VPS53: variants seen among roughly 807,000 people sequenced by gnomAD.
VPS53 encodes the protein VPS53 subunit of GARP complex.
A neutral mutation model predicts 107.0 loss-of-function variants in VPS53; 70 were observed. That is an observed-to-expected ratio of 0.65 (90% CI 0.54 to 0.80). The LOEUF (loss-of-function observed/expected upper bound fraction) is 0.80, where lower values mean the gene tolerates loss of function less well. Among genes scored for constraint, VPS53 ranks in the 30% least tolerant of loss-of-function variants. VPS53 has a pLI of 0.00. For missense variants in VPS53, 917 were observed against 1,049.4 expected (o/e 0.87, Z 1.74); for synonymous variants, 409 against 393.3 (o/e 1.04, Z -0.47).
intron 15 of VPS53, among the ~76,000 whole-genome samples, chr17:559,289 T>A (rs1214314902): frequency 6.6e-6 from 1 of 152,276 alleles, no homozygotes; most frequent in African/African-American, 2.4e-5. Context: ...TTTATTTTTT[T>A]AAATACTACG....
intron 11 of VPS53, among the ~76,000 whole-genome samples, chr17:621,830 C>T (rs971270070): frequency 6.6e-5 from 10 of 152,104 alleles, no homozygotes; most frequent in East Asian, 3.8e-4. Flanking sequence ...TCCAAAAGAA[C>T]GTTGTTCTCT....
At chr17:640,905 A>G (rs2143312838) in intron 7 of VPS53, among the ~76,000 whole-genome samples, 1 of 151,638 alleles carries the variant, frequency 6.6e-6, no homozygotes, top group East Asian at 1.9e-4. Context: ...CCCAGGCTGG[A>G]GTGCAATGGG....
intron 11 of VPS53, among the ~76,000 whole-genome samples, chr17:603,879 T>TA (rs954770960): frequency 6.6e-5 from 10 of 152,174 alleles, no homozygotes; most frequent in Middle Eastern, 3.2e-3. Context: ...TCAACAACCA[T>TA]AAAAAAATTA....
chr17:604,587 G>A (rs944764655), intron 11 of VPS53, among the ~76,000 whole-genome samples: 2 of 152,192 alleles, frequency 1.3e-5, no homozygotes, highest in East Asian at 1.9e-4. Context: ...GGGACTACAG[G>A]TGCACATCAC....
Position 524,907 on chromosome 17 carries a change from G to A in VPS53, c.2086-3169C>T, listed in dbSNP as rs1909018397. ...GAAATTTAGCAACATTTCCTTAGCT[G>A]GAGATGTGTATCACCCATAACACAG... On this transcript the variant is annotated intron_variant, in intron 19 of 21. Transcript: ENST00000437048. The surrounding 1 kb of genome is among the most constrained non-coding windows in gnomAD (Gnocchi z 4.5). 6.6e-6 allele frequency among the ~76,000 whole-genome samples: 1 copy of A among 152,218 alleles called. No individual in the cohort carries two copies. Among genetic ancestry groups the A allele is most frequent in the Non-Finnish European group, 1.5e-5 (1 of 68,038 alleles).
chr17:606,744 C>A (rs1178055048), intron 11 of VPS53, among the ~76,000 whole-genome samples: 1 of 152,128 alleles, frequency 6.6e-6, no homozygotes, highest in African/African-American at 2.4e-5. Context: ...CATAGGCAAA[C>A]CCTGTTGTGA....
chr17:579,424 A>C (rs1206582766), intron 13 of VPS53, among the ~76,000 whole-genome samples: 1 of 150,610 alleles, frequency 6.6e-6, no homozygotes, highest in African/African-American at 2.5e-5. Context: ...CTCAGGACCT[A>C]ATGTGGTCCC....
chr17:640,392 GCTGCACCCACTGTC>G (rs1191041716), intron 7 of VPS53, among the ~76,000 whole-genome samples: 2 of 152,078 alleles, frequency 1.3e-5, no homozygotes, highest in African/African-American at 4.8e-5. Flanking sequence ...TGTTTGGTGG[GCTGCACCCACTGTC>G]CTGCACCCAC....
At position 663,072 on chromosome 17, in the gene VPS53, G is replaced by A. The variant is rs1337561788; in HGVS notation, c.286-1177C>T. On this transcript the variant is annotated intron_variant, in intron 4 of 21. Coordinates refer to ENST00000437048, the MANE Select transcript of VPS53 (RefSeq NM_001128159.3). ...AAAAAAGTTAGCCAGGCATGGTGGCGCACACCAGTAGTCTCAGCTACTTGG... is the reference window on the plus strand; with the variant it reads ...AAAAAAGTTAGCCAGGCATGGTGGCACACACCAGTAGTCTCAGCTACTTGG... Among the ~76,000 whole-genome samples the A allele has an allele frequency of 3.9e-5, 6 of 151,918 alleles. No individual in the cohort carries two copies. The East Asian group carries it at 7.7e-4, about 20-fold the overall frequency.
Position 655,899 on chromosome 17 carries a change from T to C in VPS53, c.427A>G (p.Thr143Ala), listed in dbSNP as rs769291484. 7 of 1,614,026 alleles carry C rather than the reference T, an allele frequency of 4.3e-6. No homozygotes were observed. The highest frequency in any genetic ancestry group is 5.1e-6 in the Non-Finnish European group (6 of 1,179,950). The change falls in exon 6 of 22, where the codon ACC becomes GCC. Residue 143 changes from threonine (T) to alanine (A), a missense_variant. Transcript: ENST00000437048. ...KQLDHAKRHL[T>A]TSITTLNHLH... is the part of the protein sequence containing the mutation. ...TGGTTCAGTGTGGTGATTGAGGTGGTCAGGTGGCGTTTGGCGTGATCTAAT... is the reference window on the plus strand; with the variant it reads ...TGGTTCAGTGTGGTGATTGAGGTGGCCAGGTGGCGTTTGGCGTGATCTAAT...
At chr17:522,623 T>C (rs532436054) in intron 19 of VPS53, among the ~76,000 whole-genome samples, 2 of 152,352 alleles carry the variant, frequency 1.3e-5, no homozygotes, top group South Asian at 2.1e-4. Context: ...AGGCAAAAAA[T>C]AGTAACTCAT....
intron 7 of VPS53, among the ~76,000 whole-genome samples, chr17:634,165 T>C (rs915864839): frequency 2.6e-5 from 4 of 151,192 alleles, no homozygotes; most frequent in African/African-American, 9.9e-5. Context: ...ATATTCTTGG[T>C]GACTCTGGAA....
intron 1 of VPS53, among the ~76,000 whole-genome samples, chr17:713,445 G>C (rs1973714755): frequency 6.6e-6 from 1 of 151,786 alleles, no homozygotes; most frequent in Non-Finnish European, 1.5e-5. Flanking sequence ...CTGAGGTCAG[G>C]AGTTCAAGAC....
chr17:680,591 T>C (rs1456888012), intron 4 of VPS53, among the ~76,000 whole-genome samples: 1 of 152,214 alleles, frequency 6.6e-6, no homozygotes, highest in East Asian at 1.9e-4. Context: ...CCAACGTCTA[T>C]TTTCTGGCAA....
chr17:659,030 A>G (rs1248267890), intron 5 of VPS53, among the ~76,000 whole-genome samples: 6 of 144,038 alleles, frequency 4.2e-5, no homozygotes, highest in Admixed American at 4.1e-4. Flanking sequence ...CTCTGTTTCC[A>G]ATGAATTAAA....
At position 511,523 on chromosome 17, in the gene VPS53, A is replaced by G. The variant is rs572630348; in HGVS notation, c.*7605T>C. On this transcript the variant is annotated 3_prime_UTR_variant, in exon 22 of 22. Transcript: ENST00000437048. Reference sequence around the variant, plus strand: ...GACGCTATTTTTATTTTAACATCTCATATTGCCCCAGGTTCTCTGAGTCAA... The same window carrying G: ...GACGCTATTTTTATTTTAACATCTCGTATTGCCCCAGGTTCTCTGAGTCAA... 3.3e-5 allele frequency: 5 copies of G among 152,126 alleles called. No homozygotes were observed. Among genetic ancestry groups the G allele is most frequent in the Non-Finnish European group, 5.9e-5 (4 of 68,016 alleles). 9.4% of individuals were successfully genotyped at this position (152,126 alleles called of 1,614,324 possible).
At chr17:637,348 T>C (rs1315244937) in intron 7 of VPS53, among the ~76,000 whole-genome samples, 1 of 152,336 alleles carries the variant, frequency 6.6e-6, no homozygotes, top group East Asian at 1.9e-4. Context: ...ATCAATTTTG[T>C]TGATCCTTTC....
rs146826251 is a variant in VPS53, at chr17:683,917, G to C, written c.285+13501C>G. ...AATTTATTTTTAATTACTCTAATTAGCAAAAATAGCAACAGTGATGGTGTT... is the reference window on the plus strand; with the variant it reads ...AATTTATTTTTAATTACTCTAATTACCAAAAATAGCAACAGTGATGGTGTT... On this transcript the variant is annotated intron_variant, in intron 4 of 21. Coordinates refer to ENST00000437048, the MANE Select transcript of VPS53 (RefSeq NM_001128159.3). 1.6e-3 allele frequency among the ~76,000 whole-genome samples: 247 copies of C among 152,268 alleles called. 3 individuals carry two copies. Among genetic ancestry groups the C allele is most frequent in the African/African-American group, 4.9e-3 (205 of 41,550 alleles).
intron 4 of VPS53, among the ~76,000 whole-genome samples, chr17:681,923 C>G (rs942975121): frequency 2.6e-5 from 4 of 152,160 alleles, no homozygotes; most frequent in African/African-American, 7.2e-5. Context: ...TCCCAAAGGC[C>G]CTGCTTTTAA....
Sources: allele counts gnomAD v4.1 joint callset (sites outside exome capture counted in the v4.1 genomes callset), GRCh38; gene constraint gnomAD v4.1.1; non-coding constraint Gnocchi (gnomAD v3.1); transcripts MANE v1.5; gene names NCBI Gene and HGNC (gene_info 2026-07-23, HGNC 2026-07-21).